The following BNC2 variants were observed in gnomAD, a reference collection of about 807,000 sequenced individuals.
The protein encoded by BNC2 is basonuclin zinc finger protein 2.
BNC2 carries 20 observed loss-of-function variants against 76.3 expected under a neutral mutation model. The observed-to-expected ratio is 0.26, with a 90% CI of 0.18 to 0.38. The LOEUF is 0.38. BNC2 is among the 10% of genes least tolerant of loss of function. The pLI, the probability that BNC2 is intolerant of heterozygous loss-of-function variation, is 1.00. For missense variants in BNC2, 1,382 were observed against 1,399.8 expected (o/e 0.99, Z 0.20); for synonymous variants, 582 against 514.8 (o/e 1.13, Z -1.77).
intron 4 of BNC2, among the ~76,000 whole-genome samples, chr9:16,560,701 T>G (rs1818985224): frequency 1.3e-5 from 2 of 152,194 alleles, no homozygotes; most frequent in South Asian, 4.1e-4. Flanking sequence ...TACTCCAGCG[T>G]GGATGACAGA....
At chr9:16,500,242 T>C (rs181951702) in intron 5 of BNC2, among the ~76,000 whole-genome samples, 26 of 152,252 alleles carry the variant, frequency 1.7e-4, no homozygotes, top group African/African-American at 5.8e-4. Context: ...TCAAGTCTGA[T>C]GTGTCTCATT....
intron 3 of BNC2, among the ~76,000 whole-genome samples, chr9:16,685,090 A>G (rs946632489): frequency 6.6e-6 from 1 of 152,190 alleles, no homozygotes; most frequent in Non-Finnish European, 1.5e-5. Flanking sequence ...ATATATCCCA[A>G]AAGTCTTAGA....
rs1005300569 is a variant in BNC2, at chr9:16,412,627, G to C, written c.*6362C>G. The C allele has an allele frequency of 6.6e-6, 1 of 152,410 alleles. No individual in the cohort carries two copies. The highest frequency in any genetic ancestry group is 1.5e-5 in the Non-Finnish European group (1 of 68,018). 9.4% of individuals were successfully genotyped at this position (152,410 alleles called of 1,614,324 possible). On this transcript the variant is annotated 3_prime_UTR_variant, in exon 7 of 7. Transcript: ENST00000380672. Reference sequence around the variant, plus strand: ...CCACTTAATAGCTGGAGAGGGCATCGAGAGGCAGCCTTGGGCTTCCCACAG... The same window carrying C: ...CCACTTAATAGCTGGAGAGGGCATCCAGAGGCAGCCTTGGGCTTCCCACAG...
At chr9:16,688,603 TCA>T (rs924226293) in intron 3 of BNC2, among the ~76,000 whole-genome samples, 1 of 152,242 alleles carries the variant, frequency 6.6e-6, no homozygotes, top group Non-Finnish European at 1.5e-5. Flanking sequence ...TCCAAAATGT[TCA>T]CAGTGATTAA....
intron 3 of BNC2, among the ~76,000 whole-genome samples, chr9:16,702,010 AT>A (rs1174429248): frequency 6.6e-6 from 1 of 151,170 alleles, no homozygotes; most frequent in Non-Finnish European, 1.5e-5. Context: ...ATTATTTTTT[AT>A]GAAAACATAA....
rs775074594 is a variant in BNC2, at chr9:16,431,422, C to T, written c.2639+4133G>A. On this transcript the variant is annotated intron_variant, in intron 6 of 6. Transcript: ENST00000380672. ...ACCCACCAGCTAATTCTGACTATCA[C>T]GCTCTCTTCAAGAGAATCTCCCGTA... 8.7e-4 allele frequency: 406 copies of T among 468,386 alleles called. 2 individuals carry two copies. The highest frequency in any genetic ancestry group is 2.0e-4 in the Non-Finnish European group (46 of 225,350). 29.0% of individuals were successfully genotyped at this position (468,386 alleles called of 1,614,324 possible).
At chr9:16,764,841 T>C (rs2135409430) in intron 1 of BNC2, among the ~76,000 whole-genome samples, 1 of 151,248 alleles carries the variant, frequency 6.6e-6, no homozygotes, top group African/African-American at 2.4e-5. Context: ...CACAATAAGC[T>C]TATGGTCAAT....
In BNC2 at chr9:16,411,490, C is replaced by G. The variant is rs1422422418; in HGVS notation, c.*7499G>C. 2 of 152,552 alleles carry G rather than the reference C, an allele frequency of 1.3e-5. No homozygotes were observed. The highest frequency in any genetic ancestry group is 2.9e-5 in the Non-Finnish European group (2 of 68,026). 9.4% of individuals were successfully genotyped at this position (152,552 alleles called of 1,614,324 possible). A position where few individuals can be genotyped will look rare whatever the true frequency, so the allele number is the denominator to read the frequency against. On this transcript the variant is annotated 3_prime_UTR_variant, in exon 7 of 7. Coordinates refer to ENST00000380672, the MANE Select transcript of BNC2 (RefSeq NM_017637.6). ...GTATTTTAGAGTTAAGGGGAGAAAG[C>G]TAGTATCAGCGAGCAGAACTTGTGC... is the stretch of plus-strand genomic sequence containing the variant.
intron 1 of BNC2, among the ~76,000 whole-genome samples, chr9:16,851,938 A>G (rs900627549): frequency 6.6e-6 from 1 of 152,288 alleles, no homozygotes; most frequent in East Asian, 1.9e-4. Context: ...CAGAGGATGA[A>G]TATTAAATAA....
At chr9:16,452,451 C>T (rs1200395673) in intron 5 of BNC2, among the ~76,000 whole-genome samples, 1 of 152,108 alleles carries the variant, frequency 6.6e-6, no homozygotes, top group Admixed American at 6.5e-5. Flanking sequence ...TTTAGACAGT[C>T]TTTCTCTGTC....
chr9:16,714,305 G>A (rs965323236), intron 3 of BNC2, among the ~76,000 whole-genome samples: 1 of 152,180 alleles, frequency 6.6e-6, no homozygotes. Context: ...AGCATCTAAA[G>A]GGGTATATTC....
intron 1 of BNC2, among the ~76,000 whole-genome samples, chr9:16,748,913 CT>C (rs1247367700): frequency 1.5e-5 from 1 of 68,822 alleles, no homozygotes; most frequent in Non-Finnish European, 2.6e-5. Context: ...CTTTTTTTCA[CT>C]TTTTATACTA....
chr9:16,791,297 G>A (rs776449091), intron 1 of BNC2, among the ~76,000 whole-genome samples: 49 of 152,096 alleles, frequency 3.2e-4, no homozygotes, highest in Non-Finnish European at 6.2e-4. Flanking sequence ...TCCTGACATC[G>A]TGATCCGCCT....
chr9:16,862,208 T>G (rs573985046), intron 1 of BNC2, among the ~76,000 whole-genome samples: 1 of 152,214 alleles, frequency 6.6e-6, no homozygotes, highest in Admixed American at 6.5e-5. Context: ...CCACAAAAAC[T>G]TGTACATGAA....
chr9:16,441,287 G>C (rs1422891243), intron 5 of BNC2, among the ~76,000 whole-genome samples: 1 of 152,186 alleles, frequency 6.6e-6, no homozygotes, highest in Non-Finnish European at 1.5e-5. Context: ...CTGAGCAACA[G>C]AGCAAGACTG....
At chr9:16,705,948 A>G (rs888635532) in intron 3 of BNC2, among the ~76,000 whole-genome samples, 1 of 152,184 alleles carries the variant, frequency 6.6e-6, no homozygotes, top group East Asian at 1.9e-4. Flanking sequence ...ACAAGCAACA[A>G]TATTAGATCA....
At chr9:16,651,126 G>A (rs916069032) in intron 3 of BNC2, among the ~76,000 whole-genome samples, 2 of 152,122 alleles carry the variant, frequency 1.3e-5, no homozygotes, top group Admixed American at 6.5e-5. Flanking sequence ...ATGCAAAAAA[G>A]AAGGCTTGAA....
intron 6 of BNC2, chr9:16,434,974 TA>T: frequency 2.1e-6 from 1 of 471,050 alleles, no homozygotes. Flanking sequence ...TCACAACTCT[TA>T]AAGAATTCAA....
At chr9:16,601,575 C>T (rs960859982) in intron 3 of BNC2, among the ~76,000 whole-genome samples, 1 of 152,098 alleles carries the variant, frequency 6.6e-6, no homozygotes, top group African/African-American at 2.4e-5. Context: ...GAGCTGAGTC[C>T]AAGCCAACTG....
Sources: allele counts gnomAD v4.1 joint callset (sites outside exome capture counted in the v4.1 genomes callset), GRCh38; gene constraint gnomAD v4.1.1; transcripts MANE v1.5; gene names NCBI Gene and HGNC (gene_info 2026-07-23, HGNC 2026-07-21).